DMRTA1: variants seen among roughly 807,000 people sequenced by gnomAD.
DMRTA1 encodes doublesex- and mab-3-related transcription factor A1.
In DMRTA1, 34 loss-of-function variants were observed where a neutral mutation model predicts 35.2. That is an observed-to-expected ratio of 0.97 (90% CI 0.74 to 1.29). The LOEUF (loss-of-function observed/expected upper bound fraction) is 1.29, where lower values mean the gene tolerates loss of function less well. Ranked by LOEUF, DMRTA1 falls within the 50% of genes most tolerant of loss-of-function variation. The probability of loss-of-function intolerance (pLI) is 0.00; values close to 1 mark genes in which losing one functional copy is unlikely to be tolerated. For synonymous variants in DMRTA1, 344 were observed against 276.6 expected (o/e 1.24, Z -2.42); for missense variants, 824 against 644.6 (o/e 1.28, Z -3.01).
Position 22,446,869 on chromosome 9 carries a change from C to T in DMRTA1, c.-197C>T, listed in dbSNP as rs1262408748. On this transcript the variant is annotated 5_prime_UTR_variant, in exon 1 of 2. Transcript: ENST00000325870. Reference sequence around the variant, plus strand: ...TGCCAGGCTCACGGGACAGCTGCACCTCTCAGCGTCTCCAGCTCCAGGACG... The same window carrying T: ...TGCCAGGCTCACGGGACAGCTGCACTTCTCAGCGTCTCCAGCTCCAGGACG... The T allele has an allele frequency of 1.7e-5, 11 of 642,100 alleles. No individual in the cohort carries two copies. The highest frequency in any genetic ancestry group is 2.8e-5 in the Non-Finnish European group (11 of 392,090). The allele number at this position is 642,100 out of a possible 1,614,324, so 39.8% of individuals were successfully genotyped here. A position where few individuals can be genotyped will look rare whatever the true frequency, so the allele number is the denominator to read the frequency against.
At position 22,447,202 on chromosome 9, in the gene DMRTA1, C is replaced by G. The variant is rs779568105; in HGVS notation, c.137C>G (p.Ala46Gly). The change falls in exon 1 of 2, where the codon GCG becomes GGG. Residue 46 changes from alanine (A) to glycine (G), a missense_variant. By Grantham distance (60) the Ala-to-Gly change is moderately conservative (BLOSUM62 0). Transcript: ENST00000325870. The stretch of plus-strand genomic sequence containing the variant: ...CCATCGGGGATGCAGGTTCCCCCAG[C>G]GTTCCTGCGGCCGCCCAGCCTCTTT... ...PVPSGMQVPPAFLRPPSLFLR... is the reference protein window; with the variant it reads ...PVPSGMQVPPGFLRPPSLFLR... The G allele has an allele frequency of 2.5e-6, 4 of 1,584,656 alleles. No homozygotes were observed. The Admixed American group carries it at 7.0e-5, about 28-fold the overall frequency.
At chr9:22,448,071 A>G (rs974276826) in intron 1 of DMRTA1, among the ~76,000 whole-genome samples, 1 of 152,194 alleles carries the variant, frequency 6.6e-6, no homozygotes, top group Non-Finnish European at 1.5e-5. Flanking sequence ...TCAAGCAGGC[A>G]TTGAGCGAAA....
chr9:22,449,040 C>T (rs1278726867), intron 1 of DMRTA1, among the ~76,000 whole-genome samples: 3 of 152,172 alleles, frequency 2.0e-5, no homozygotes, highest in Non-Finnish European at 4.4e-5. Context: ...TATGTGATTT[C>T]TAGTTGGTAC....
At position 22,447,461 on chromosome 9, in the gene DMRTA1, C is replaced by T. The variant is rs1194227753; in HGVS notation, c.396C>T (p.Arg132=). ...ACAKCTLIAE[R]QRVMAAQVAL... Reference sequence around the variant, plus strand: ...CCAAGTGCACCCTGATCGCCGAGCGCCAGCGCGTCATGGCCGCCCAGGTGG... The same window carrying T: ...CCAAGTGCACCCTGATCGCCGAGCGTCAGCGCGTCATGGCCGCCCAGGTGG... The change falls in exon 1 of 2, where the codon CGC becomes CGT. Residue 132 remains arginine, a synonymous_variant. Coordinates refer to ENST00000325870, the MANE Select transcript of DMRTA1 (RefSeq NM_022160.3). 6.4e-7 allele frequency: 1 copy of T among 1,554,122 alleles called. No individual in the cohort carries two copies. Among genetic ancestry groups the T allele is most frequent in the Admixed American group, 1.9e-5 (1 of 52,672 alleles).
Position 22,447,600 on chromosome 9 carries a change from G to A in DMRTA1, c.535G>A (p.Ala179Thr), listed in dbSNP as rs1210781961. ...GGRASGGGGR[A>T]ENPQSTGGPA... ...TCGGGCATCCGGGGGCGGCGGCAGA[G>A]CCGAGAATCCACAGTCCACGGGCGG... is the stretch of plus-strand genomic sequence containing the variant. The change falls in exon 1 of 2, where the codon GCC (alanine) becomes ACC (threonine). Residue 179 changes from alanine to threonine, a missense_variant. Physicochemically the swap from Ala to Thr is moderately conservative, Grantham distance 58. Transcript: ENST00000325870. 6.2e-7 allele frequency: 1 copy of A among 1,605,982 alleles called. No homozygotes were observed. The highest frequency in any genetic ancestry group is 2.2e-5 in the East Asian group (1 of 44,648).
rs912512507 is a variant in DMRTA1, at chr9:22,453,528, G to T, written c.*1617G>T. The T allele has an allele frequency of 3.3e-5, 5 of 151,884 alleles. No homozygotes were observed. Among genetic ancestry groups the T allele is most frequent in the African/African-American group, 9.7e-5 (4 of 41,402 alleles). 9.4% of individuals were successfully genotyped at this position (151,884 alleles called of 1,614,324 possible). On this transcript the variant is annotated 3_prime_UTR_variant, in exon 2 of 2. Coordinates refer to ENST00000325870, the MANE Select transcript of DMRTA1 (RefSeq NM_022160.3). ...AAGAAAGCAGATCTTGAAAAATTTC[G>T]ATGTACTCAATATTCATTTATTATA...
chr9:22,451,689 A>T lies in DMRTA1; in HGVS notation c.1293A>T (p.Arg431Ser), dbSNP rs1392601652. 3 of 1,614,142 alleles carry T rather than the reference A, an allele frequency of 1.9e-6. No individual in the cohort carries two copies. The highest frequency in any genetic ancestry group is 2.5e-6 in the Non-Finnish European group (3 of 1,179,974). Reference sequence around the variant, plus strand: ...CAAGTCTCTACGGCGTAAATCCTAGAGTAGGTATCAGTCCATTAAGGCTGG... The same window carrying T: ...CAAGTCTCTACGGCGTAAATCCTAGTGTAGGTATCAGTCCATTAAGGCTGG... Reference protein sequence around the residue: ...GDSSLYGVNPRVGISPLRLAY... With the variant: ...GDSSLYGVNPSVGISPLRLAY... The change falls in exon 2 of 2, where the codon AGA becomes AGT. Residue 431 changes from arginine to serine, a missense_variant. Physicochemically the swap from Arg to Ser is moderately radical, Grantham distance 110. Coordinates refer to ENST00000325870, the MANE Select transcript of DMRTA1 (RefSeq NM_022160.3).
intron 1 of DMRTA1, 77 bp from the exon 2 acceptor site, chr9:22,450,987 C>A: frequency 7.2e-7 from 1 of 1,397,816 alleles, no homozygotes. Context: ...TATTATCCAG[C>A]ATTATTTTTG....
chr9:22,450,789 C>G (rs1161358270), intron 1 of DMRTA1, among the ~76,000 whole-genome samples: 2 of 152,116 alleles, frequency 1.3e-5, no homozygotes, highest in African/African-American at 4.8e-5. Flanking sequence ...ACAATACACT[C>G]TCATCTTCTG....
intron 1 of DMRTA1, among the ~76,000 whole-genome samples, chr9:22,449,691 C>T (rs1419618009): frequency 6.6e-6 from 1 of 152,014 alleles, no homozygotes; most frequent in Non-Finnish European, 1.5e-5. Flanking sequence ...AGTTGAAAAT[C>T]CTATAGAGTG....
At position 22,451,192 on chromosome 9, in the gene DMRTA1, T is replaced by A; in HGVS notation, c.796T>A (p.Ser266Thr). 3 of 1,614,138 alleles carry A rather than the reference T, an allele frequency of 1.9e-6. No individual in the cohort carries two copies. The highest frequency in any genetic ancestry group is 4.5e-5 in the East Asian group (2 of 44,882). The change falls in exon 2 of 2, where the codon TCT (serine) becomes ACT (threonine). Residue 266 changes from serine (S) to threonine (T), a missense_variant. By Grantham distance (58) the Ser-to-Thr change is moderately conservative. Transcript: ENST00000325870. ...GVIGKQSIGS[S>T]ISEYSNKPDS... ...CATTGGGAAACAAAGTATCGGGTCA[T>A]CTATTTCAGAATACTCCAACAAGCC... is the stretch of plus-strand genomic sequence containing the variant.
rs1190098078 is a variant in DMRTA1 at position 22,452,046 on chromosome 9, T to G, written c.*135T>G. 1.1e-5 allele frequency: 13 copies of G among 1,147,440 alleles called. No homozygotes were observed. Among genetic ancestry groups the G allele is most frequent in the African/African-American group, 1.6e-5 (1 of 64,220 alleles). The allele number at this position is 1,147,440 out of a possible 1,614,324, so 71.1% of individuals were successfully genotyped here. ...TATGAGGTCTTAAAATGCTGGGTTT[T>G]TTTTTTTTCAAGCAATATAATAGGT... On this transcript the variant is annotated 3_prime_UTR_variant, in exon 2 of 2. Coordinates refer to ENST00000325870, the MANE Select transcript of DMRTA1 (RefSeq NM_022160.3).
Position 22,452,196 on chromosome 9 carries a change from G to T in DMRTA1, c.*285G>T. 4.3e-6 allele frequency: 1 copy of T among 230,166 alleles called. No homozygotes were observed. Among genetic ancestry groups the T allele is most frequent in the South Asian group, 1.1e-4 (1 of 9,226 alleles). The allele number at this position is 230,166 out of a possible 1,614,324, so 14.3% of individuals were successfully genotyped here. A position where few individuals can be genotyped will look rare whatever the true frequency, so the allele number is the denominator to read the frequency against. On this transcript the variant is annotated 3_prime_UTR_variant, in exon 2 of 2. Transcript: ENST00000325870. ...GAATTTTCTCCCTAAATTATCATTTGTAAACATTTTTATTTTAAAACTAGT... is the reference window on the plus strand; with the variant it reads ...GAATTTTCTCCCTAAATTATCATTTTTAAACATTTTTATTTTAAAACTAGT...
chr9:22,451,838 C>T lies in DMRTA1; in HGVS notation c.1442C>T (p.Ser481Phe). 6.2e-7 allele frequency: 1 copy of T among 1,613,994 alleles called. No individual in the cohort carries two copies. The highest frequency in any genetic ancestry group is 8.5e-7 in the Non-Finnish European group (1 of 1,179,880). ...DYAFSGMIRD[S>F]SYLSSKDSIT... Reference sequence around the variant, plus strand: ...GCCTTTTCAGGGATGATTAGAGATTCTTCCTACCTTTCCAGTAAAGACTCA... The same window carrying T: ...GCCTTTTCAGGGATGATTAGAGATTTTTCCTACCTTTCCAGTAAAGACTCA... Residue 481 changes from serine (S) to phenylalanine (F), a missense_variant, in exon 2 of 2, where the codon TCT becomes TTT. Ser to Phe is a radical substitution (Grantham distance 155). Transcript: ENST00000325870.
chr9:22,447,563 GC>G lies in DMRTA1; in HGVS notation c.504del (p.Gly169ValfsTer31), dbSNP rs746316567. On this transcript the variant is annotated frameshift_variant, in exon 1 of 2. Coordinates refer to ENST00000325870, the MANE Select transcript of DMRTA1 (RefSeq NM_022160.3). LOFTEE classifies it high-confidence loss of function. ...GGCTCCTGTGCTCGGGGCTCTCCTG[GC>G]CCCCCGGTGGTCGGGCATCCGGGGG... The part of the protein sequence containing the change: ...QRLLCSGLSW[P>X]PGGRASGGGG... The G allele has an allele frequency of 2.0e-5, 32 of 1,594,856 alleles. No individual in the cohort carries two copies. In the African/African-American group the frequency reaches 3.8e-4, roughly 19 times the overall value.
In DMRTA1 at chr9:22,447,487, C is replaced by T. The variant is rs1361906032; in HGVS notation, c.422C>T (p.Ala141Val). 14 of 1,559,722 alleles carry T rather than the reference C, an allele frequency of 9.0e-6. No individual in the cohort carries two copies. The East Asian group carries it at 2.2e-4, about 24-fold the overall frequency. Residue 141 changes from alanine (A) to valine (V), a missense_variant, in exon 1 of 2, where the codon GCG (alanine) becomes GTG (valine). Ala to Val is a moderately conservative substitution (Grantham distance 64, BLOSUM62 0). Transcript: ENST00000325870. ...CAGCGCGTCATGGCCGCCCAGGTGG[C>T]GCTGCGCAGGCAGCAGGCGCAGGAG... ...ERQRVMAAQVALRRQQAQEES... is the reference protein window; with the variant it reads ...ERQRVMAAQVVLRRQQAQEES...
Position 22,455,113 on chromosome 9 carries a change from A to G in DMRTA1, c.*3202A>G, listed in dbSNP as rs1818985275. ...CCTCCTGAGAGTAGGCAGAAAAGAA[A>G]GACATAGAACGCAGTGCGTGACTTA... On this transcript the variant is annotated 3_prime_UTR_variant, in exon 2 of 2. Coordinates refer to ENST00000325870, the MANE Select transcript of DMRTA1 (RefSeq NM_022160.3). The G allele has an allele frequency of 2.0e-5, 3 of 152,232 alleles. No individual in the cohort carries two copies. Among genetic ancestry groups the G allele is most frequent in the Non-Finnish European group, 2.9e-5 (2 of 68,034 alleles). The allele number at this position is 152,232 out of a possible 1,614,324, so 9.4% of individuals were successfully genotyped here. A position where few individuals can be genotyped will look rare whatever the true frequency, so the allele number is the denominator to read the frequency against.
chr9:22,451,928 C>G lies in DMRTA1; in HGVS notation c.*17C>G, dbSNP rs778746318. On this transcript the variant is annotated 3_prime_UTR_variant, in exon 2 of 2. Coordinates refer to ENST00000325870, the MANE Select transcript of DMRTA1 (RefSeq NM_022160.3). Reference sequence around the variant, plus strand: ...AATCCGTAATGTATATGCCCATTCTCTCTTTCTGGAGTTTTTCCAGCATAC... The same window carrying G: ...AATCCGTAATGTATATGCCCATTCTGTCTTTCTGGAGTTTTTCCAGCATAC... The G allele has an allele frequency of 2.5e-6, 4 of 1,611,342 alleles. No individual in the cohort carries two copies. Among genetic ancestry groups the G allele is most frequent in the Admixed American group, 1.7e-5 (1 of 59,934 alleles).
rs762982635 is a variant in DMRTA1, at chr9:22,451,362, G to A, written c.966G>A (p.Val322=). Residue 322 remains valine (V), a synonymous_variant, in exon 2 of 2, where the codon GTG becomes GTA. Transcript: ENST00000325870. Reference sequence around the variant, plus strand: ...CGACCAAGGCAAGCCTTCCGACAGTGTCCTCAAGACCAAGAGATCCTCTTG... The same window carrying A: ...CGACCAAGGCAAGCCTTCCGACAGTATCCTCAAGACCAAGAGATCCTCTTG... ...LTATKASLPT[V]SSRPRDPLDI... is the part of the protein sequence containing the mutation. 1 of 1,614,126 alleles carries A rather than the reference G, an allele frequency of 6.2e-7. No homozygotes were observed. Among genetic ancestry groups the A allele is most frequent in the Admixed American group, 1.7e-5 (1 of 60,024 alleles).
Sources: gnomAD v4.1 joint callset for allele counts (sites outside exome capture counted in the v4.1 genomes callset) on GRCh38, gnomAD v4.1.1 for gene constraint, MANE v1.5 for transcripts, NCBI Gene and HGNC (gene_info 2026-07-23, HGNC 2026-07-21) for gene names.